Variants in SSH2 observed in about 807,000 individuals in gnomAD.
SSH2 encodes the protein slingshot protein phosphatase 2, also known as protein phosphatase Slingshot homolog 2.
SSH2 carries 37 observed loss-of-function variants against 135.2 expected under a neutral mutation model. The ratio of observed to expected loss-of-function variants is 0.27; its 90% CI spans 0.21 to 0.36. The LOEUF (loss-of-function observed/expected upper bound fraction) is 0.36. SSH2 is among the 10% of genes least tolerant of loss of function. The pLI, the probability that SSH2 is intolerant of heterozygous loss-of-function variation, is 1.00. For synonymous variants in SSH2, 628 were observed against 646.2 expected (o/e 0.97, Z 0.43); for missense variants, 1,408 against 1,765.3 (o/e 0.80, Z 3.63).
chr17:29,828,496 A>G (rs1238652666), intron 2 of SSH2, among the ~76,000 whole-genome samples: 3 of 152,206 alleles, frequency 2.0e-5, no homozygotes, highest in Non-Finnish European at 4.4e-5. Flanking sequence ...AGAAAAGGCT[A>G]AAGACAGTGA....
chr17:29,865,418 A>C (rs903725919), intron 1 of SSH2, among the ~76,000 whole-genome samples: 2 of 152,196 alleles, frequency 1.3e-5, no homozygotes, highest in African/African-American at 4.8e-5. Context: ...CAGTCTATAA[A>C]ATAAAGAGGG....
rs11307211 is a variant in SSH2, at chr17:29,684,483, TAAAA to T, written c.479+76_479+79del. On this transcript the variant is annotated intron_variant, in intron 6 of 15. Coordinates refer to ENST00000540801, the MANE Select transcript of SSH2 (RefSeq NM_001282129.2). ...CAGAGTGATGACACTCCGTCCCCATTAAAAAAAAAAAAAAAAAAAAGCAACTGGA... is the reference window on the plus strand; with the variant it reads ...CAGAGTGATGACACTCCGTCCCCATTAAAAAAAAAAAAAAAAGCAACTGGA... 4.3e-3 allele frequency: 4,106 copies of T among 951,146 alleles called. 3 individuals are homozygous for T. Among genetic ancestry groups the T allele is most frequent in the South Asian group, 6.5e-3 (362 of 55,946 alleles). 58.9% of individuals were successfully genotyped at this position (951,146 alleles called of 1,614,324 possible).
At chr17:29,921,955 A>C (rs149456439) in intron 1 of SSH2, among the ~76,000 whole-genome samples, 2 of 152,304 alleles carry the variant, frequency 1.3e-5, no homozygotes, top group African/African-American at 4.8e-5. Context: ...AGTACAGTAG[A>C]AAGATAAGAG....
In SSH2 at chr17:29,636,346, T is replaced by C; in HGVS notation, c.1884A>G (p.Ala628=). 6.2e-7 allele frequency: 1 copy of C among 1,614,188 alleles called. No individual in the cohort carries two copies. Among genetic ancestry groups the C allele is most frequent in the Admixed American group, 1.7e-5 (1 of 60,020 alleles). Residue 628 remains alanine, a synonymous_variant, in exon 15 of 16, where the codon GCA becomes GCG. Transcript: ENST00000540801. ...GGTGGACATTCATGTCTGCTTTCAG[T>C]GCATCTGTCTCCAAATCTTCCACTG... The part of the protein sequence containing the change: ...DLTVEDLETD[A]LKADMNVHLL...
chr17:29,796,369 C>G (rs1023818918), intron 2 of SSH2, among the ~76,000 whole-genome samples: 6 of 152,012 alleles, frequency 3.9e-5, no homozygotes, highest in African/African-American at 1.5e-4. Context: ...GAGACGGAGT[C>G]TCGCTCTGTT....
At chr17:29,665,094 T>C (rs561284172) in intron 11 of SSH2, among the ~76,000 whole-genome samples, 3 of 152,320 alleles carry the variant, frequency 2.0e-5, no homozygotes, top group South Asian at 2.1e-4. Context: ...AGGGAAACAG[T>C]TGGGAGGGCC....
At chr17:29,742,496 T>TC (rs1407561037) in intron 3 of SSH2, among the ~76,000 whole-genome samples, 71 of 147,572 alleles carry the variant, frequency 4.8e-4, no homozygotes, top group Non-Finnish European at 9.0e-4. Flanking sequence ...TTTTTTTTTT[T>TC]TTTTCTTTTC....
intron 1 of SSH2, chr17:29,863,882 G>A (rs1307854561): frequency 6.6e-6 from 1 of 152,120 alleles, no homozygotes; most frequent in African/African-American, 2.4e-5. Flanking sequence ...AATTACTTTG[G>A]ATAAAATTTA....
At chr17:29,843,148 T>G (rs2043072072) in intron 2 of SSH2, among the ~76,000 whole-genome samples, 1 of 152,188 alleles carries the variant, frequency 6.6e-6, no homozygotes, top group Non-Finnish European at 1.5e-5. Flanking sequence ...ATCCCCACCT[T>G]CCAGCTAACC....
At chr17:29,734,417 C>A (rs1353567229) in intron 3 of SSH2, among the ~76,000 whole-genome samples, 1 of 152,170 alleles carries the variant, frequency 6.6e-6, no homozygotes. Context: ...CAGAAATCAG[C>A]CTTAGTAGCA....
chr17:29,907,405 G>A (rs772268595), intron 1 of SSH2, among the ~76,000 whole-genome samples: 1 of 152,132 alleles, frequency 6.6e-6, no homozygotes, highest in South Asian at 2.1e-4. Context: ...CGTATGCTGG[G>A]CTTAATACCT....
intron 2 of SSH2, among the ~76,000 whole-genome samples, chr17:29,826,507 A>G (rs2042747083): frequency 6.6e-6 from 1 of 152,206 alleles, no homozygotes. Flanking sequence ...AACAAAAAAC[A>G]TAGTAGTTTA....
rs1242814713 is a variant in SSH2, at chr17:29,900,151, A to C, written c.63+29787T>G. 2.0e-5 allele frequency among the ~76,000 whole-genome samples: 3 copies of C among 152,260 alleles called. No homozygotes were observed. The East Asian group carries it at 5.8e-4, about 29-fold the overall frequency. The stretch of plus-strand genomic sequence containing the variant: ...TTAGTTCAAGATGGATTAAATACTT[A>C]TATGTTAGACCTAAAACCATAAAAA... On this transcript the variant is annotated intron_variant, in intron 1 of 15. Transcript: ENST00000540801.
At chr17:29,888,335 C>G (rs1297694674) in intron 1 of SSH2, among the ~76,000 whole-genome samples, 1 of 152,296 alleles carries the variant, frequency 6.6e-6, no homozygotes, top group Admixed American at 6.5e-5. Context: ...AGCCTAAAAT[C>G]ACGAAGTCTA....
intron 13 of SSH2, among the ~76,000 whole-genome samples, chr17:29,648,606 T>C (rs2036471505): frequency 6.6e-6 from 1 of 152,224 alleles, no homozygotes; most frequent in Admixed American, 6.5e-5. Flanking sequence ...ATTTACAATA[T>C]GTGTAAGGCA....
chr17:29,909,353 C>T (rs191740104), intron 1 of SSH2, among the ~76,000 whole-genome samples: 25 of 151,880 alleles, frequency 1.6e-4, no homozygotes, highest in Admixed American at 3.3e-4. Context: ...CAAGTTTCCA[C>T]GAGACCTAGT....
chr17:29,641,705 G>A (rs977543669), intron 14 of SSH2: 5 of 152,204 alleles, frequency 3.3e-5, no homozygotes, highest in Admixed American at 6.5e-5. Context: ...GTGAGCACAA[G>A]AAGAAGGAAA....
intron 3 of SSH2, among the ~76,000 whole-genome samples, chr17:29,786,950 G>A (rs2041978260): frequency 6.6e-6 from 1 of 152,198 alleles, no homozygotes; most frequent in Non-Finnish European, 1.5e-5. Context: ...AAAGGGGCTA[G>A]TATGGCATAA....
At chr17:29,806,905 A>G (rs2042356343) in intron 2 of SSH2, among the ~76,000 whole-genome samples, 1 of 152,232 alleles carries the variant, frequency 6.6e-6, no homozygotes. Context: ...CCAATTGCTT[A>G]GCCTGGCATC....
Sources: allele counts gnomAD v4.1 joint callset (sites outside exome capture counted in the v4.1 genomes callset), GRCh38; gene constraint gnomAD v4.1.1; transcripts MANE v1.5; gene names NCBI Gene and HGNC (gene_info 2026-07-23, HGNC 2026-07-21).